SYNCRIP: variants seen among roughly 807,000 people sequenced by gnomAD.
The protein encoded by SYNCRIP is heterogeneous nuclear ribonucleoprotein Q.
SYNCRIP carries 9 observed loss-of-function variants against 68.9 expected under a neutral mutation model. The observed-to-expected ratio is 0.13, with a 90% CI of 0.08 to 0.23. SYNCRIP has a LOEUF of 0.23. Ranked by LOEUF, SYNCRIP falls within the 10% of genes least tolerant of loss-of-function variation. The pLI is 1.00. For synonymous variants in SYNCRIP, 258 were observed against 254.0 expected (o/e 1.02, Z -0.15); for missense variants, 414 against 770.6 (o/e 0.54, Z 5.48).
chr6:85,620,783 A>G (rs1806296728), intron 8 of SYNCRIP, among the ~76,000 whole-genome samples: 1 of 152,240 alleles, frequency 6.6e-6, no homozygotes. Context: ...CTGTAAACCT[A>G]AAACTGCTCT....
chr6:85,642,237 G>A (rs1412193854), intron 1 of SYNCRIP, among the ~76,000 whole-genome samples: 1 of 152,050 alleles, frequency 6.6e-6, no homozygotes, highest in Non-Finnish European at 1.5e-5. Flanking sequence ...TCTCCGCCGT[G>A]ACACATGGCT....
chr6:85,619,471 G>C (rs1583255224), intron 8 of SYNCRIP, 54 bp from the exon 9 acceptor site: 3 of 1,497,528 alleles, frequency 2.0e-6, no homozygotes, highest in Non-Finnish European at 2.7e-6. Flanking sequence ...CCATTTCTAA[G>C]ATACCACCAC....
chr6:85,638,148 T>TG (rs1384869490), intron 4 of SYNCRIP, among the ~76,000 whole-genome samples: 2 of 151,526 alleles, frequency 1.3e-5, no homozygotes, highest in Non-Finnish European at 2.9e-5. Context: ...CCAAGGCGGG[T>TG]GGATCAGGAC....
At chr6:85,639,016 C>T (rs564510425) in intron 4 of SYNCRIP, among the ~76,000 whole-genome samples, 10 of 152,158 alleles carry the variant, frequency 6.6e-5, no homozygotes, top group Middle Eastern at 6.8e-3. Flanking sequence ...GAGACCATCC[C>T]GGTCAACATG....
chr6:85,635,957 A>G (rs1808395265), intron 6 of SYNCRIP, among the ~76,000 whole-genome samples: 1 of 152,138 alleles, frequency 6.6e-6, no homozygotes, highest in Non-Finnish European at 1.5e-5. Context: ...CGTAAGCCAG[A>G]TAAAGCAAAT....
chr6:85,640,659 A>T, intron 2 of SYNCRIP, 95 bp from the exon 3 acceptor site: 1 of 673,554 alleles, frequency 1.5e-6, no homozygotes, highest in East Asian at 2.8e-5. Context: ...GTGCCTTTAC[A>T]ATTCTTCTAC....
intron 6 of SYNCRIP, among the ~76,000 whole-genome samples, chr6:85,631,827 G>T (rs1003867281): frequency 2.0e-5 from 3 of 152,166 alleles, no homozygotes; most frequent in Non-Finnish European, 4.4e-5. Context: ...ATGGCCTCAG[G>T]CAAGTCTATT....
intron 6 of SYNCRIP, among the ~76,000 whole-genome samples, chr6:85,626,299 A>G (rs1807024432): frequency 6.6e-6 from 1 of 152,258 alleles, no homozygotes; most frequent in South Asian, 2.1e-4. Context: ...AGCATCAAGT[A>G]GCCAGCCTTA....
intron 6 of SYNCRIP, among the ~76,000 whole-genome samples, chr6:85,634,522 C>G (rs150408554): frequency 6.6e-6 from 1 of 152,030 alleles, no homozygotes; most frequent in Non-Finnish European, 1.5e-5. Context: ...GCTCAACTCT[C>G]TTAAATAGCA....
At chr6:85,609,246 C>T (rs1392921540), downstream of SYNCRIP, 1 of 151,880 alleles carries the variant, frequency 6.6e-6, no homozygotes, top group Non-Finnish European at 1.5e-5. Context: ...TTTAATTTCT[C>T]TCCTTAAAAT....
At chr6:85,619,104 T>C (rs1806101976) in intron 9 of SYNCRIP, among the ~76,000 whole-genome samples, 164 bp downstream of exon 9, 1 of 152,224 alleles carries the variant, frequency 6.6e-6, no homozygotes, top group South Asian at 2.1e-4. Flanking sequence ...TTATTTTTCA[T>C]TTTTACTTAG....
intron 6 of SYNCRIP, among the ~76,000 whole-genome samples, chr6:85,626,643 G>C (rs1361575191): frequency 6.6e-6 from 1 of 152,154 alleles, no homozygotes; most frequent in Non-Finnish European, 1.5e-5. Context: ...CAAGACAACA[G>C]AGAATGGAAA....
At chr6:85,631,341 A>AAAAAAAAAAAAAAG (rs1269691429) in intron 6 of SYNCRIP, among the ~76,000 whole-genome samples, 1 of 146,972 alleles carries the variant, frequency 6.8e-6, no homozygotes, top group African/African-American at 2.5e-5. Context: ...TGTGTCTCCA[A>AAAAAAAAAAAAAAG]AAAAAAAAAA....
chr6:85,617,372 T>C (rs1435007204), intron 10 of SYNCRIP, among the ~76,000 whole-genome samples: 7 of 152,220 alleles, frequency 4.6e-5, no homozygotes, highest in African/African-American at 7.2e-5. Flanking sequence ...CATTATCTAA[T>C]ATAATCTCCT....
rs1562080272 is a variant in SYNCRIP at position 85,619,090 on chromosome 6, T to A, written c.1159-151A>T. ...TAATTTTATTTAAAGATGCAGATAT[T>A]CAATTATTTTTCATTTTTACTTAGA... is the stretch of plus-strand genomic sequence containing the variant. On this transcript the variant is annotated intron_variant, in intron 9 of 10. Coordinates refer to ENST00000369622, the MANE Select transcript of SYNCRIP (RefSeq NM_006372.5). The A allele has an allele frequency of 4.3e-6, 5 of 1,175,348 alleles. No homozygotes were observed. In the East Asian group the frequency reaches 1.2e-4, roughly 29 times the overall value. 72.8% of individuals were successfully genotyped at this position (1,175,348 alleles called of 1,614,324 possible).
intron 6 of SYNCRIP, among the ~76,000 whole-genome samples, chr6:85,633,181 G>A (rs371896231): frequency 9.2e-5 from 14 of 151,572 alleles, no homozygotes; most frequent in African/African-American, 3.1e-4. Context: ...GCGTGAACCC[G>A]GGAGGCAGAG....
Position 85,622,521 on chromosome 6 carries a change from A to T in SYNCRIP, c.969T>A (p.Ala323=), listed in dbSNP as rs1043725335. Residue 323 remains alanine (A), a synonymous_variant, in exon 8 of 11, where the codon GCT becomes GCA. Coordinates refer to ENST00000369622, the MANE Select transcript of SYNCRIP (RefSeq NM_006372.5). ...CAGGATCAGGATCTTCTATAGGATCAGCCCATTCAACAGTTCCAACATTCC... is the reference window on the plus strand; with the variant it reads ...CAGGATCAGGATCTTCTATAGGATCTGCCCATTCAACAGTTCCAACATTCC... ...VWGNVGTVEW[A]DPIEDPDPEV... The T allele has an allele frequency of 6.2e-7, 1 of 1,614,218 alleles. No homozygotes were observed. Among genetic ancestry groups the T allele is most frequent in the Admixed American group, 1.7e-5 (1 of 60,020 alleles).
chr6:85,639,231 C>A (rs889025199), intron 4 of SYNCRIP, among the ~76,000 whole-genome samples: 1 of 151,430 alleles, frequency 6.6e-6, no homozygotes. Flanking sequence ...AACAAACAAA[C>A]AAAAAATTAA....
At chr6:85,610,452 C>T (rs572764009), downstream of SYNCRIP, 1 of 151,968 alleles carries the variant, frequency 6.6e-6, no homozygotes, top group African/African-American at 2.4e-5. Context: ...AGTTTCCCTC[C>T]CAAGTCCCCA....
Sources: allele counts gnomAD v4.1 joint callset (sites outside exome capture counted in the v4.1 genomes callset), GRCh38; gene constraint gnomAD v4.1.1; transcripts MANE v1.5; gene names NCBI Gene and HGNC (gene_info 2026-07-23, HGNC 2026-07-21).